STXBP5L: variants seen among roughly 807,000 people sequenced by gnomAD.
STXBP5L encodes syntaxin binding protein 5L, also known as syntaxin-binding protein 5-like.
In STXBP5L, 65 loss-of-function variants were observed where a neutral mutation model predicts 144.5. That is an observed-to-expected ratio of 0.45 (90% CI 0.37 to 0.55). STXBP5L has a LOEUF of 0.55. Among genes scored for constraint, STXBP5L ranks in the 20% least tolerant of loss-of-function variants. The pLI is 0.00. For missense variants in STXBP5L, 1,298 were observed against 1,405.5 expected (o/e 0.92, Z 1.22); for synonymous variants, 505 against 469.6 (o/e 1.08, Z -0.97).
At chr3:120,935,401 A>C (rs1710210623) in intron 2 of STXBP5L, among the ~76,000 whole-genome samples, 1 of 150,164 alleles carries the variant, frequency 6.7e-6, no homozygotes, top group African/African-American at 2.4e-5. Context: ...AAAATCTGTT[A>C]GCTCAATTAA....
intron 9 of STXBP5L, among the ~76,000 whole-genome samples, chr3:121,187,761 G>A (rs796239599): frequency 1.3e-5 from 2 of 151,894 alleles, no homozygotes; most frequent in Non-Finnish European, 1.5e-5. Context: ...TGGATAAAGA[G>A]TCAAGGCCCA....
intron 9 of STXBP5L, among the ~76,000 whole-genome samples, chr3:121,161,848 C>G (rs961332532): frequency 6.6e-6 from 1 of 152,018 alleles, no homozygotes; most frequent in Non-Finnish European, 1.5e-5. Context: ...AGAAGCAGGA[C>G]AGGGGTGTCC....
intron 11 of STXBP5L, among the ~76,000 whole-genome samples, chr3:121,226,300 G>A (rs2049122208): frequency 6.6e-6 from 1 of 152,158 alleles, no homozygotes; most frequent in East Asian, 1.9e-4. Context: ...AATTAAGCAA[G>A]TTATATTGGG....
At chr3:121,379,085 C>A (rs1178998914) in intron 21 of STXBP5L, among the ~76,000 whole-genome samples, 199 bp downstream of exon 21, 1 of 152,046 alleles carries the variant, frequency 6.6e-6, no homozygotes, top group Non-Finnish European at 1.5e-5. Context: ...CCTCTAAAAC[C>A]AGAATGCCTC....
chr3:121,173,477 G>A (rs1340217805), intron 9 of STXBP5L, among the ~76,000 whole-genome samples: 3 of 151,656 alleles, frequency 2.0e-5, no homozygotes, highest in Admixed American at 6.6e-5. Context: ...GTTTACTTTC[G>A]AACAACATGA....
chr3:121,156,958 C>T (rs552767696), intron 8 of STXBP5L, among the ~76,000 whole-genome samples: 5 of 151,878 alleles, frequency 3.3e-5, no homozygotes, highest in Non-Finnish European at 5.9e-5. Flanking sequence ...CAGTGGATAC[C>T]GAGGGATGGC....
intron 9 of STXBP5L, among the ~76,000 whole-genome samples, chr3:121,202,070 T>A (rs2048160632): frequency 6.6e-6 from 1 of 152,078 alleles, no homozygotes; most frequent in Non-Finnish European, 1.5e-5. Flanking sequence ...TTCTCCTTTT[T>A]TTGTCCAATT....
intron 3 of STXBP5L, among the ~76,000 whole-genome samples, chr3:121,009,211 T>C (rs996327930): frequency 2.6e-5 from 4 of 151,984 alleles, no homozygotes; most frequent in African/African-American, 9.7e-5. Context: ...TTTTAGTGTC[T>C]CTTCAGTGGT....
chr3:121,173,818 C>T (rs2046826542), intron 9 of STXBP5L, among the ~76,000 whole-genome samples: 1 of 152,034 alleles, frequency 6.6e-6, no homozygotes, highest in Admixed American at 6.6e-5. Context: ...ATAATATACA[C>T]CATGCAATTC....
chr3:120,938,557 T>G (rs1710388969), intron 2 of STXBP5L, among the ~76,000 whole-genome samples: 1 of 152,190 alleles, frequency 6.6e-6, no homozygotes, highest in Non-Finnish European at 1.5e-5. Flanking sequence ...TATTATCCTG[T>G]GGTTCCTTTA....
At chr3:121,328,055 A>G (rs2044207140) in intron 20 of STXBP5L, among the ~76,000 whole-genome samples, 1 of 152,186 alleles carries the variant, frequency 6.6e-6, no homozygotes, top group Non-Finnish European at 1.5e-5. Flanking sequence ...GTTTGTTAGG[A>G]CATACTATTG....
At chr3:121,007,823 G>A (rs1944459524) in intron 3 of STXBP5L, among the ~76,000 whole-genome samples, 1 of 151,964 alleles carries the variant, frequency 6.6e-6, no homozygotes, top group Admixed American at 6.6e-5. Context: ...GATACTGACA[G>A]CATCTTCTAC....
At chr3:120,962,485 T>G (rs1938967294) in intron 3 of STXBP5L, among the ~76,000 whole-genome samples, 1 of 152,250 alleles carries the variant, frequency 6.6e-6, no homozygotes, top group Non-Finnish European at 1.5e-5. Flanking sequence ...AGTTTCAGCT[T>G]TCTACATATG....
At chr3:121,025,281 G>A (rs934035985) in intron 3 of STXBP5L, among the ~76,000 whole-genome samples, 3 of 152,224 alleles carry the variant, frequency 2.0e-5, no homozygotes, top group African/African-American at 7.2e-5. Flanking sequence ...TTTTCAAAAT[G>A]ATTCCTTGGA....
rs374887571 is a variant in STXBP5L, at chr3:121,208,996, A to G, written c.956+2995A>G. On this transcript the variant is annotated intron_variant, in intron 10 of 26. Coordinates refer to ENST00000471454, the MANE Select transcript of STXBP5L (RefSeq NM_001308330.2). The stretch of plus-strand genomic sequence containing the variant: ...ATGTATTCTCATTGTTCGATTCCCA[A>G]TTATGAGTGAGAATATGCAGTGTTT... Among the ~76,000 whole-genome samples the G allele has an allele frequency of 3.9e-5, 6 of 152,018 alleles. No homozygotes were observed. In the South Asian group the frequency reaches 1.2e-3, roughly 32 times the overall value.
At chr3:121,154,594 C>T (rs887104397) in intron 8 of STXBP5L, among the ~76,000 whole-genome samples, 5 of 151,714 alleles carry the variant, frequency 3.3e-5, no homozygotes, top group African/African-American at 1.2e-4. Context: ...TCTTTACCCT[C>T]ATTTCTTCTC....
At chr3:121,359,523 G>C (rs907958882) in intron 20 of STXBP5L, among the ~76,000 whole-genome samples, 3 of 152,012 alleles carry the variant, frequency 2.0e-5, no homozygotes, top group African/African-American at 7.2e-5. Context: ...AGAAGCCTTT[G>C]CCCAGACCAA....
At chr3:121,267,203 T>A (rs28773515) in intron 18 of STXBP5L, among the ~76,000 whole-genome samples, 1 of 152,022 alleles carries the variant, frequency 6.6e-6, no homozygotes, top group African/African-American at 2.4e-5. Context: ...ATACTGGTAC[T>A]AAAACAGATA....
intron 5 of STXBP5L, among the ~76,000 whole-genome samples, chr3:121,100,296 C>A (rs1286373085): frequency 2.6e-5 from 4 of 152,124 alleles, no homozygotes; most frequent in African/African-American, 9.7e-5. Flanking sequence ...ATAGGATACT[C>A]ACTCTTGTCT....
Sources: allele counts gnomAD v4.1 joint callset (sites outside exome capture counted in the v4.1 genomes callset), GRCh38; gene constraint gnomAD v4.1.1; transcripts MANE v1.5; gene names NCBI Gene and HGNC (gene_info 2026-07-23, HGNC 2026-07-21).